ANO3: variants seen among roughly 807,000 people sequenced by gnomAD.
ANO3 encodes anoctamin 3, also known as anoctamin-3.
Under a neutral mutation model 144.8 loss-of-function variants are expected in ANO3, and 99 were observed. The ratio of observed to expected loss-of-function variants is 0.68; its 90% confidence interval spans 0.58 to 0.81. The LOEUF (loss-of-function observed/expected upper bound fraction) is 0.81, where lower values mean the gene tolerates loss of function less well. Among genes scored for constraint, ANO3 ranks in the 30% least tolerant of loss-of-function variants. The pLI is 0.00. For synonymous variants in ANO3, 414 were observed against 392.6 expected (o/e 1.05, Z -0.64); for missense variants, 905 against 1,202.2 (o/e 0.75, Z 3.66).
At chr11:26,334,588 T>C (rs1190821738) in intron 1 of ANO3, among the ~76,000 whole-genome samples, 1 of 152,204 alleles carries the variant, frequency 6.6e-6, no homozygotes, top group African/African-American at 2.4e-5. Context: ...CTTTGGACTT[T>C]GCTTCATACA....
At chr11:26,542,579 A>G (rs570412431) in intron 11 of ANO3, among the ~76,000 whole-genome samples, 41 of 152,244 alleles carry the variant, frequency 2.7e-4, no homozygotes, top group South Asian at 1.2e-3. Context: ...AAGAAAGAAA[A>G]AAAGCCAGAA....
intron 1 of ANO3, among the ~76,000 whole-genome samples, chr11:26,422,745 G>GA (rs1281006273): frequency 1.3e-5 from 2 of 151,990 alleles, no homozygotes; most frequent in Admixed American, 1.3e-4. Context: ...AACAGAGAAG[G>GA]AAAAAAACTG....
chr11:26,536,149 T>A (rs1849504138), intron 9 of ANO3, among the ~76,000 whole-genome samples: 1 of 151,226 alleles, frequency 6.6e-6, no homozygotes, highest in Non-Finnish European at 1.5e-5. Flanking sequence ...GTAAAACCCG[T>A]CTTTACTAAA....
intron 1 of ANO3, among the ~76,000 whole-genome samples, chr11:26,397,043 C>T (rs1337139264): frequency 6.6e-6 from 1 of 151,774 alleles, no homozygotes; most frequent in Non-Finnish European, 1.5e-5. Flanking sequence ...TTCCCTGCAG[C>T]CAGAAGGCTG....
At chr11:26,535,400 T>G (rs775870735) in intron 9 of ANO3, among the ~76,000 whole-genome samples, 1 of 152,204 alleles carries the variant, frequency 6.6e-6, no homozygotes, top group South Asian at 2.1e-4. Flanking sequence ...AAACAAGATA[T>G]ACTTTTAATT....
rs11029389 is a variant in ANO3, at chr11:26,210,336, G to A, written c.154+21006G>A. 1.2e-3 allele frequency among the ~76,000 whole-genome samples: 176 copies of A among 152,266 alleles called. 2 individuals carry two copies. The East Asian group carries it at 0.026, about 23-fold the overall frequency. The stretch of plus-strand genomic sequence containing the variant: ...TCTGAGGCCTCTGTTCTGTTCCACT[G>A]GACTATGTATCTGTGTTCATAACAG... On this transcript the variant is annotated intron_variant, in intron 1 of 27. Transcript: ENST00000672621.
intron 4 of ANO3, among the ~76,000 whole-genome samples, chr11:26,476,604 A>G (rs1377364321): frequency 6.6e-6 from 1 of 151,972 alleles, no homozygotes; most frequent in Admixed American, 6.6e-5. Flanking sequence ...AGGTTTTTGG[A>G]CGATCTCTGT....
chr11:26,443,160 A>T lies in ANO3; in HGVS notation c.242-605A>T, dbSNP rs372011763. Among the ~76,000 whole-genome samples the T allele has an allele frequency of 3.9e-5, 6 of 152,362 alleles. No individual in the cohort carries two copies. In the East Asian group the frequency reaches 7.7e-4, roughly 20 times the overall value. Reference sequence around the variant, plus strand: ...GCTTCTTTTTCTGGATAACTAAAAAATATCAAAATTATTGTTTCAATACTA... The same window carrying T: ...GCTTCTTTTTCTGGATAACTAAAAATTATCAAAATTATTGTTTCAATACTA... On this transcript the variant is annotated intron_variant, in intron 2 of 26. Transcript: ENST00000256737.
chr11:26,637,423 A>T (rs951769555), intron 20 of ANO3, among the ~76,000 whole-genome samples: 1 of 152,180 alleles, frequency 6.6e-6, no homozygotes, highest in African/African-American at 2.4e-5. Flanking sequence ...GATTGGGGAA[A>T]TGGGGACAAG....
intron 11 of ANO3, among the ~76,000 whole-genome samples, chr11:26,544,291 C>CAT (rs1849730610): frequency 1.8e-5 from 1 of 54,300 alleles, no homozygotes; most frequent in Non-Finnish European, 4.2e-5. Context: ...TACACACACA[C>CAT]ACACACATAT....
intron 14 of ANO3, chr11:26,565,164 C>T (rs1244911347): frequency 5.3e-6 from 8 of 1,499,268 alleles, no homozygotes; most frequent in Non-Finnish European, 6.2e-6. Context: ...TTTATATTTA[C>T]CTTTTTGGGG....
chr11:26,490,210 G>C (rs1590410232), intron 4 of ANO3, among the ~76,000 whole-genome samples: 1 of 152,260 alleles, frequency 6.6e-6, no homozygotes, highest in East Asian at 1.9e-4. Context: ...GGGTTTATCA[G>C]GGGTTTCCAC....
intron 5 of ANO3, among the ~76,000 whole-genome samples, chr11:26,515,399 C>T (rs1861823829): frequency 6.7e-5 from 1 of 14,954 alleles, no homozygotes. Flanking sequence ...TAATGAGAAA[C>T]CAAAACTTTA....
At chr11:26,371,799 C>T (rs1009088056) in intron 1 of ANO3, among the ~76,000 whole-genome samples, 1 of 152,212 alleles carries the variant, frequency 6.6e-6, no homozygotes, top group African/African-American at 2.4e-5. Context: ...CAATTTCTCT[C>T]ATTTGGAGCT....
rs771781188 is a variant in ANO3 at position 26,531,224 on chromosome 11, A to G, written c.757A>G (p.Arg253Gly). ...SMGRMQTYFRRIKNWMAQNPM... is the reference protein window; with the variant it reads ...SMGRMQTYFRGIKNWMAQNPM... ...TTCCAGGATGCAAACTTATTTTAGA[A>G]GAATCAAAAACTGGATGGCCCAAAA... Residue 253 changes from arginine (R) to glycine (G), a missense_variant, in exon 8 of 27, where the codon AGA becomes GGA. Transcript: ENST00000256737. 6.2e-7 allele frequency: 1 copy of G among 1,614,068 alleles called. No individual in the cohort carries two copies. Among genetic ancestry groups the G allele is most frequent in the South Asian group, 1.1e-5 (1 of 91,068 alleles).
At chr11:26,509,145 A>G (rs909507141) in intron 5 of ANO3, among the ~76,000 whole-genome samples, 3 of 150,372 alleles carry the variant, frequency 2.0e-5, no homozygotes, top group Non-Finnish European at 3.0e-5. Flanking sequence ...CACTCTTGTC[A>G]TTTAGCAATA....
At chr11:26,442,139 T>A (rs1858543079) in intron 2 of ANO3, 27 bp downstream of exon 2, 3 of 1,598,360 alleles carry the variant, frequency 1.9e-6, no homozygotes, top group African/African-American at 2.7e-5. Context: ...ATTTTCTTGT[T>A]CAATTTATAA....
intron 1 of ANO3, among the ~76,000 whole-genome samples, chr11:26,202,607 A>C (rs1415026238): frequency 6.6e-6 from 1 of 151,810 alleles, no homozygotes; most frequent in Non-Finnish European, 1.5e-5. Context: ...ACATTTGAAC[A>C]GAAACCTTAT....
chr11:26,237,014 T>C (rs1432407874), intron 1 of ANO3, among the ~76,000 whole-genome samples: 1 of 152,128 alleles, frequency 6.6e-6, no homozygotes, highest in Non-Finnish European at 1.5e-5. Flanking sequence ...CTTTAGTGAC[T>C]CCTCTGCCCC....
Sources: gnomAD v4.1 joint callset for allele counts (sites outside exome capture counted in the v4.1 genomes callset) on GRCh38, gnomAD v4.1.1 for gene constraint, MANE v1.5 for transcripts, NCBI Gene and HGNC (gene_info 2026-07-23, HGNC 2026-07-21) for gene names.